Variants in KLF12 observed in about 807,000 individuals in gnomAD.
KLF12 encodes Krueppel-like factor 12.
Under a neutral mutation model 37.8 loss-of-function variants are expected in KLF12, and 9 were observed. The observed-to-expected ratio is 0.24, with a 90% CI of 0.14 to 0.42. KLF12 has a LOEUF of 0.42. KLF12 is among the 10% of genes least tolerant of loss of function. The pLI, the probability that KLF12 is intolerant of heterozygous loss-of-function variation, is 1.00. For missense variants in KLF12, 411 were observed against 516.0 expected, an observed-to-expected ratio of 0.80 and a Z score of 1.97; for synonymous variants, 208 against 202.1, an observed-to-expected ratio of 1.03 and a Z score of -0.25.
the KLF12 span, among the ~76,000 whole-genome samples, chr13:74,218,811 A>G: frequency 2.0e-3 from 300 of 152,268 alleles, 1 homozygote; most frequent in Non-Finnish European, 2.7e-3. Flanking sequence ...TTCTTCTTAA[A>G]AGCTTTTGTT....
chr13:73,918,662 T>A (rs76670482), intron 3 of KLF12, among the ~76,000 whole-genome samples: 2,916 of 152,220 alleles, frequency 0.019, 92 homozygotes, highest in African/African-American at 0.066. Flanking sequence ...TACTTAACAA[T>A]CAAAACTAGA....
At chr13:74,207,339 A>T in the KLF12 span, among the ~76,000 whole-genome samples, 7 of 152,196 alleles carry the variant, frequency 4.6e-5, no homozygotes, top group African/African-American at 1.7e-4. Context: ...AAAGTATGGG[A>T]TGGGAAAGTA....
At chr13:73,703,951 A>C (rs574191901) in intron 7 of KLF12, among the ~76,000 whole-genome samples, 1 of 152,346 alleles carries the variant, frequency 6.6e-6, no homozygotes, top group South Asian at 2.1e-4. Flanking sequence ...AGTGAACTAA[A>C]ATATCCCATA....
chr13:73,838,277 AC>A (rs112058437), intron 4 of KLF12, among the ~76,000 whole-genome samples: 5,668 of 152,298 alleles, frequency 0.037, 145 homozygotes, highest in African/African-American at 0.07. Flanking sequence ...GAGAAAAGCA[AC>A]AGCCTGTAGG....
the KLF12 span, among the ~76,000 whole-genome samples, chr13:74,271,605 AT>A: frequency 1.3e-5 from 2 of 152,184 alleles, no homozygotes; most frequent in East Asian, 3.8e-4. Context: ...CCTAAAATAT[AT>A]TTGTTTATTA....
At chr13:73,787,651 T>C (rs1313823117) in intron 5 of KLF12, among the ~76,000 whole-genome samples, 3 of 152,152 alleles carry the variant, frequency 2.0e-5, no homozygotes, top group South Asian at 2.1e-4. Flanking sequence ...ATCACAAAGC[T>C]GGTACATGGA....
intron 2 of KLF12, among the ~76,000 whole-genome samples, chr13:73,959,775 G>T (rs559921431): frequency 5.9e-5 from 9 of 152,128 alleles, no homozygotes; most frequent in South Asian, 2.1e-4. Flanking sequence ...GGTAAATGCT[G>T]TATAAAAACA....
At chr13:73,912,248 G>A (rs1380405869) in intron 3 of KLF12, among the ~76,000 whole-genome samples, 1 of 152,014 alleles carries the variant, frequency 6.6e-6, no homozygotes, top group Non-Finnish European at 1.5e-5. Context: ...CCCACTGTGT[G>A]GCCTTCCTTT....
At chr13:73,965,789 G>T (rs1484836074) in intron 2 of KLF12, among the ~76,000 whole-genome samples, 1 of 152,120 alleles carries the variant, frequency 6.6e-6, no homozygotes, top group African/African-American at 2.4e-5. Flanking sequence ...CTCTGTAGAG[G>T]TTATTAAGCC....
intron 6 of KLF12, among the ~76,000 whole-genome samples, chr13:73,764,221 T>C (rs1879753700): frequency 6.6e-6 from 1 of 152,168 alleles, no homozygotes; most frequent in African/African-American, 2.4e-5. Context: ...GTTTTTCTTT[T>C]TTTTCCTTAA....
At chr13:73,696,932 C>T (rs973339726) in intron 7 of KLF12, among the ~76,000 whole-genome samples, 13 of 152,174 alleles carry the variant, frequency 8.5e-5, no homozygotes, top group African/African-American at 3.1e-4. Context: ...TATGACATCA[C>T]CTATCACAAT....
At chr13:73,704,633 A>C (rs1210444492) in intron 7 of KLF12, among the ~76,000 whole-genome samples, 1 of 152,074 alleles carries the variant, frequency 6.6e-6, no homozygotes, top group Non-Finnish European at 1.5e-5. Context: ...ACACCAATTT[A>C]TTGTCCATGC....
intron 1 of KLF12, among the ~76,000 whole-genome samples, chr13:74,001,933 A>G (rs890962873): frequency 6.6e-6 from 1 of 152,230 alleles, no homozygotes; most frequent in Non-Finnish European, 1.5e-5. Flanking sequence ...CTTTATGTTC[A>G]ATCTCTTTGC....
chr13:74,250,334 A>G, the KLF12 span, among the ~76,000 whole-genome samples: 3 of 152,212 alleles, frequency 2.0e-5, no homozygotes, highest in Admixed American at 2.0e-4. Flanking sequence ...CTGTGAAATT[A>G]TTCCACAGAT....
the KLF12 span, among the ~76,000 whole-genome samples, chr13:74,177,017 C>T: frequency 1.3e-5 from 2 of 152,124 alleles, no homozygotes; most frequent in Non-Finnish European, 2.9e-5. Context: ...CAGTTGTTTC[C>T]CACTATGGCC....
At chr13:73,775,074 T>C (rs776293277) in intron 5 of KLF12, among the ~76,000 whole-genome samples, 9 of 152,024 alleles carry the variant, frequency 5.9e-5, no homozygotes, top group Non-Finnish European at 1.3e-4. Flanking sequence ...TGTGCCACCA[T>C]GCCTGGCTAA....
the KLF12 span, among the ~76,000 whole-genome samples, chr13:74,140,992 G>C: frequency 6.6e-6 from 1 of 152,066 alleles, no homozygotes; most frequent in African/African-American, 2.4e-5. Flanking sequence ...ATGAACCTGG[G>C]AGGAGGAGCT....
chr13:74,096,807 C>A (rs1876011609), intron 1 of KLF12, among the ~76,000 whole-genome samples: 1 of 152,144 alleles, frequency 6.6e-6, no homozygotes, highest in Admixed American at 6.5e-5. Context: ...GCATCTCCTT[C>A]TCAGGTGTGA....
chr13:74,119,669 A>G (rs1351583353), intron 1 of KLF12, among the ~76,000 whole-genome samples: 1 of 152,194 alleles, frequency 6.6e-6, no homozygotes, highest in African/African-American at 2.4e-5. Flanking sequence ...TAAAACTTGA[A>G]TAGATGGGGG....
Sources: allele counts gnomAD v4.1 joint callset (sites outside exome capture counted in the v4.1 genomes callset), GRCh38; gene constraint gnomAD v4.1.1; transcripts MANE v1.5; gene names NCBI Gene and HGNC (gene_info 2026-07-23, HGNC 2026-07-21).